Variants in WDFY1 observed in about 807,000 individuals in gnomAD.
WDFY1 encodes WD repeat and FYVE domain containing 1.
Under a neutral mutation model 56.4 loss-of-function variants are expected in WDFY1, and 32 were observed. The ratio of observed to expected loss-of-function variants is 0.57; its 90% confidence interval spans 0.43 to 0.76. The LOEUF is 0.76. Among genes scored for constraint, WDFY1 ranks in the 30% least tolerant of loss-of-function variants. The pLI is 0.00. For missense variants in WDFY1, 480 were observed against 545.7 expected (o/e 0.88, Z 1.20); for synonymous variants, 192 against 197.3 (o/e 0.97, Z 0.23).
intron 3 of WDFY1, among the ~76,000 whole-genome samples, chr2:223,906,954 C>CTATTAT (rs1559168671): frequency 0.025 from 3,788 of 148,608 alleles, 100 homozygotes; most frequent in African/African-American, 0.058. Context: ...ATTACTACTA[C>CTATTAT]CATTATTATT....
In WDFY1 at chr2:223,917,999, A is replaced by G. The variant is rs1693817883; in HGVS notation, c.149T>C (p.Val50Ala). 1 of 1,613,924 alleles carries G rather than the reference A, an allele frequency of 6.2e-7. No homozygotes were observed. Among genetic ancestry groups the G allele is most frequent in the Non-Finnish European group, 8.5e-7 (1 of 1,179,990 alleles). ...TTGACCACTGTCTCTTTTCAGCCATACCCGGATGGTTCTGTGGAGAAAAGA... is the reference window on the plus strand; with the variant it reads ...TTGACCACTGTCTCTTTTCAGCCATGCCCGGATGGTTCTGTGGAGAAAAGA... ...ITASEDRTIR[V>A]WLKRDSGQYW... Residue 50 changes from valine to alanine, a missense_variant, in exon 2 of 12, where the codon GTA (valine) becomes GCA (alanine). Physicochemically the swap from Val to Ala is moderately conservative, Grantham distance 64. Transcript: ENST00000233055.
chr2:223,881,702 C>T (rs934922135), intron 10 of WDFY1, among the ~76,000 whole-genome samples: 3 of 152,126 alleles, frequency 2.0e-5, no homozygotes, highest in East Asian at 1.9e-4. Context: ...GCAGGAGAAT[C>T]GCTTGAACCC....
intron 3 of WDFY1, among the ~76,000 whole-genome samples, chr2:223,910,473 A>T (rs1326725209): frequency 6.6e-6 from 1 of 151,924 alleles, no homozygotes; most frequent in Non-Finnish European, 1.5e-5. Flanking sequence ...GTAAAAAGGC[A>T]GCTCTTAGGA....
intron 10 of WDFY1, among the ~76,000 whole-genome samples, chr2:223,881,250 A>C (rs1405547677): frequency 6.6e-6 from 1 of 152,234 alleles, no homozygotes; most frequent in African/African-American, 2.4e-5. Flanking sequence ...GCATGTGTGA[A>C]CAAAGGTCTG....
chr2:223,928,726 T>C (rs1214074693), intron 1 of WDFY1, among the ~76,000 whole-genome samples: 1 of 152,208 alleles, frequency 6.6e-6, no homozygotes, highest in Non-Finnish European at 1.5e-5. Context: ...CAACTTTCCT[T>C]TTTTCCATAA....
At chr2:223,922,722 G>C (rs200059368) in intron 1 of WDFY1, among the ~76,000 whole-genome samples, 2 of 152,304 alleles carry the variant, frequency 1.3e-5, no homozygotes, top group East Asian at 1.9e-4. Flanking sequence ...AGTGCTCATG[G>C]AAAGAAGGGC....
chr2:223,893,986 A>G (rs1011590403), intron 8 of WDFY1, among the ~76,000 whole-genome samples: 2 of 152,228 alleles, frequency 1.3e-5, no homozygotes, highest in East Asian at 3.8e-4. Context: ...TGTATTGCTC[A>G]AGGCTGAGAA....
intron 3 of WDFY1, among the ~76,000 whole-genome samples, chr2:223,907,329 G>T (rs1193947794): frequency 6.6e-6 from 1 of 152,114 alleles, no homozygotes; most frequent in Non-Finnish European, 1.5e-5. Context: ...ATGAATTGCT[G>T]ACAGACCAGA....
chr2:223,920,854 C>A (rs557506892), intron 1 of WDFY1, among the ~76,000 whole-genome samples: 5 of 152,234 alleles, frequency 3.3e-5, no homozygotes, highest in South Asian at 4.1e-4. Context: ...AAGGTACTCT[C>A]GACAGTGGCT....
At chr2:223,885,453 C>G (rs1693157097) in intron 8 of WDFY1, among the ~76,000 whole-genome samples, 1 of 152,038 alleles carries the variant, frequency 6.6e-6, no homozygotes, top group South Asian at 2.1e-4. Flanking sequence ...TGCCTCAGCC[C>G]CACAAAGCAC....
intron 1 of WDFY1, among the ~76,000 whole-genome samples, chr2:223,926,338 T>C (rs531155409): frequency 6.6e-6 from 1 of 152,278 alleles, no homozygotes; most frequent in Admixed American, 6.5e-5. Context: ...TTATAAAGTC[T>C]CATTCTACTG....
intron 1 of WDFY1, among the ~76,000 whole-genome samples, chr2:223,938,342 C>T (rs1689238763): frequency 2.0e-5 from 3 of 152,128 alleles, no homozygotes; most frequent in African/African-American, 2.4e-5. Flanking sequence ...ATCATTCAAT[C>T]AACTGACTGT....
chr2:223,913,545 A>G (rs1169480044), intron 2 of WDFY1, among the ~76,000 whole-genome samples: 1 of 152,216 alleles, frequency 6.6e-6, no homozygotes, highest in Non-Finnish European at 1.5e-5. Context: ...TTATGACCAC[A>G]AAGATATATA....
chr2:223,899,249 T>C (rs946735000), intron 5 of WDFY1, 179 bp from the exon 6 acceptor site: 4 of 526,212 alleles, frequency 7.6e-6, no homozygotes, highest in African/African-American at 7.6e-5. Context: ...GCATGCAATA[T>C]GTAAATATTG....
chr2:223,944,723 G>A lies in WDFY1; in HGVS notation c.137+425C>T, dbSNP rs1451415370. Among the ~76,000 whole-genome samples, 5 of 150,074 alleles carry A rather than the reference G, an allele frequency of 3.3e-5. No individual in the cohort carries two copies. The East Asian group carries it at 1.0e-3, about 30-fold the overall frequency. Reference sequence around the variant, plus strand: ...AGTGGGACAAGGGTCCCGGACTGGAGGGGCGCGTTGGGGAGCATTGGAACA... The same window carrying A: ...AGTGGGACAAGGGTCCCGGACTGGAAGGGCGCGTTGGGGAGCATTGGAACA... On this transcript the variant is annotated intron_variant, in intron 1 of 11. Transcript: ENST00000233055.
At chr2:223,929,189 G>GTTTTTTGTTTTTTT (rs1553538013) in intron 1 of WDFY1, among the ~76,000 whole-genome samples, 1 of 28,922 alleles carries the variant, frequency 3.5e-5, no homozygotes, top group African/African-American at 5.9e-5. Context: ...TCTGTTTTTT[G>GTTTTTTGTTTTTTT]TTTTTTTTTT....
At chr2:223,888,901 CTTTTTTTTTTT>C (rs71058955) in intron 8 of WDFY1, among the ~76,000 whole-genome samples, 2 of 61,436 alleles carry the variant, frequency 3.3e-5, no homozygotes, top group East Asian at 7.8e-4. Context: ...ATTCTCAACT[CTTTTTTTTTTT>C]TTTTTTTTTG....
intron 7 of WDFY1, 80 bp from the exon 8 acceptor site, chr2:223,894,419 C>A: frequency 7.0e-7 from 1 of 1,425,532 alleles, no homozygotes; most frequent in Non-Finnish European, 9.8e-7. Context: ...TCAAATTGCT[C>A]TCCTCATTAA....
chr2:223,935,154 C>T (rs767357960), intron 1 of WDFY1, among the ~76,000 whole-genome samples: 3 of 152,148 alleles, frequency 2.0e-5, no homozygotes, highest in Non-Finnish European at 4.4e-5. Context: ...CCCATCAATA[C>T]TGGTTGCACT....
Sources: gnomAD v4.1 joint callset for allele counts (sites outside exome capture counted in the v4.1 genomes callset) on GRCh38, gnomAD v4.1.1 for gene constraint, MANE v1.5 for transcripts, NCBI Gene and HGNC (gene_info 2026-07-23, HGNC 2026-07-21) for gene names.